FHIT: variants seen among roughly 807,000 people sequenced by gnomAD.
The protein encoded by FHIT is bis(5'-adenosyl)-triphosphatase.
FHIT carries 19 observed loss-of-function variants against 17.9 expected under a neutral mutation model. The observed-to-expected ratio is 1.06, with a 90% CI of 0.74 to 1.56. FHIT has a LOEUF of 1.56. Among genes scored for constraint, FHIT ranks in the 40% most tolerant of loss-of-function variants. The pLI is 0.00. For missense variants in FHIT, 248 were observed against 189.2 expected (o/e 1.31, Z -1.82); for synonymous variants, 81 against 69.7 (o/e 1.16, Z -0.81).
chr3:60,256,695 G>T (rs768003325), intron 5 of FHIT, among the ~76,000 whole-genome samples: 1 of 152,112 alleles, frequency 6.6e-6, no homozygotes, highest in Admixed American at 6.5e-5. Flanking sequence ...CCTTGGTTTA[G>T]TACCTTGCAT....
At chr3:60,103,147 T>G (rs1243529816) in intron 5 of FHIT, among the ~76,000 whole-genome samples, 1 of 152,208 alleles carries the variant, frequency 6.6e-6, no homozygotes, top group African/African-American at 2.4e-5. Flanking sequence ...CAGCTCTCTC[T>G]CAGTTTTACC....
chr3:60,574,328 T>C (rs1343942435), intron 4 of FHIT, among the ~76,000 whole-genome samples: 6 of 151,430 alleles, frequency 4.0e-5, no homozygotes, highest in African/African-American at 1.5e-4. Flanking sequence ...AGCTCACAAA[T>C]TGTCCCCAGC....
intron 5 of FHIT, among the ~76,000 whole-genome samples, chr3:60,444,331 A>G (rs2031160591): frequency 6.6e-6 from 1 of 152,236 alleles, no homozygotes; most frequent in South Asian, 2.1e-4. Context: ...TGACCCAGCC[A>G]TCCCATTACT....
rs1180378829 is a variant in FHIT at position 60,256,414 on chromosome 3, TTTG to T, written c.104-242265_104-242263del. On this transcript the variant is annotated intron_variant, in intron 5 of 9. Transcript: ENST00000492590. ...AATCCAGAACTGTAAGCAATAAATA[TTTG>T]TTGTTTCTAAATCACCCAGGCTAAG... Among the ~76,000 whole-genome samples, 3 of 152,322 alleles carry T rather than the reference TTTG, an allele frequency of 2.0e-5. No individual in the cohort carries two copies. In the East Asian group the frequency reaches 5.8e-4, roughly 29 times the overall value.
At chr3:60,750,766 G>A (rs531210912) in intron 4 of FHIT, among the ~76,000 whole-genome samples, 4 of 152,244 alleles carry the variant, frequency 2.6e-5, no homozygotes, top group Admixed American at 2.6e-4. Context: ...AAGTCCCCCA[G>A]CCAAACAACC....
chr3:61,126,915 T>C (rs35195170), intron 2 of FHIT, among the ~76,000 whole-genome samples: 61,181 of 151,562 alleles, frequency 0.4, 15,536 homozygotes, highest in Non-Finnish European at 0.56. Context: ...CTGAGGGAAA[T>C]GAAGGGCAGA....
chr3:60,094,698 C>T (rs556698846), intron 5 of FHIT, among the ~76,000 whole-genome samples: 22 of 152,124 alleles, frequency 1.4e-4, no homozygotes, highest in Admixed American at 7.8e-4. Context: ...TCCTAACTTG[C>T]AGGATTCATG....
At chr3:59,750,382 C>T (rs1264472574) in intron 9 of FHIT, 1 of 224,382 alleles carries the variant, frequency 4.5e-6, no homozygotes, top group Non-Finnish European at 8.9e-6. Flanking sequence ...ATTGTCACCC[C>T]ATTTAAATTT....
At chr3:59,768,179 G>A (rs915971946) in intron 8 of FHIT, among the ~76,000 whole-genome samples, 3 of 152,130 alleles carry the variant, frequency 2.0e-5, no homozygotes, top group Non-Finnish European at 2.9e-5. Flanking sequence ...AGCTTATATC[G>A]TGGGTTCTCT....
intron 5 of FHIT, among the ~76,000 whole-genome samples, chr3:60,032,307 C>T (rs1181363131): frequency 6.6e-6 from 1 of 151,864 alleles, no homozygotes; most frequent in Non-Finnish European, 1.5e-5. Context: ...AAAAAATTAG[C>T]TGGGCATAGT....
intron 5 of FHIT, among the ~76,000 whole-genome samples, chr3:60,149,072 C>A (rs1700354442): frequency 1.3e-5 from 2 of 152,196 alleles, no homozygotes; most frequent in Non-Finnish European, 2.9e-5. Flanking sequence ...CCTTTGGACA[C>A]TATAACCCTT....
intron 5 of FHIT, among the ~76,000 whole-genome samples, chr3:60,419,917 C>T (rs541323773): frequency 9.9e-5 from 15 of 152,126 alleles, no homozygotes; most frequent in African/African-American, 3.4e-4. Flanking sequence ...TTTAGAAAAA[C>T]AAAGACCAAA....
At chr3:59,981,290 GCCC>G (rs1489241652) in intron 7 of FHIT, among the ~76,000 whole-genome samples, 1 of 152,020 alleles carries the variant, frequency 6.6e-6, no homozygotes, top group Non-Finnish European at 1.5e-5. Flanking sequence ...CACTTGGAAT[GCCC>G]CTGTATGAGG....
chr3:61,043,344 AG>A (rs2033620117), intron 2 of FHIT, among the ~76,000 whole-genome samples: 1 of 151,880 alleles, frequency 6.6e-6, no homozygotes, highest in Non-Finnish European at 1.5e-5. Flanking sequence ...CCTAGCTCGG[AG>A]GGTCCCACGC....
chr3:59,925,563 C>A (rs1705619333), intron 7 of FHIT, among the ~76,000 whole-genome samples: 1 of 152,152 alleles, frequency 6.6e-6, no homozygotes, highest in Non-Finnish European at 1.5e-5. Flanking sequence ...TATCCCCTGC[C>A]TACTATTCTT....
At chr3:60,665,688 A>G (rs2040365195) in intron 4 of FHIT, among the ~76,000 whole-genome samples, 1 of 152,036 alleles carries the variant, frequency 6.6e-6, no homozygotes, top group South Asian at 2.1e-4. Context: ...AGTTTCTTGT[A>G]GGCAGCATAC....
At chr3:60,674,803 C>G (rs117659785) in intron 4 of FHIT, among the ~76,000 whole-genome samples, 2 of 152,302 alleles carry the variant, frequency 1.3e-5, no homozygotes, top group East Asian at 1.9e-4. Context: ...TGAACCCTCT[C>G]TGCTAGGCCT....
At chr3:60,263,275 G>A (rs1049981218) in intron 5 of FHIT, among the ~76,000 whole-genome samples, 1 of 151,950 alleles carries the variant, frequency 6.6e-6, no homozygotes, top group Non-Finnish European at 1.5e-5. Context: ...AACCATTTTA[G>A]AATACCACTG....
chr3:59,908,843 C>CTTTTTTTTTTTTTTTTTT (rs1264578670), intron 8 of FHIT, among the ~76,000 whole-genome samples: 1 of 150,742 alleles, frequency 6.6e-6, no homozygotes, highest in Non-Finnish European at 1.5e-5. Context: ...AAGAACATTT[C>CTTTTTTTTTTTTTTTTTT]ATTTTTTAAT....
Sources: allele counts gnomAD v4.1 joint callset (sites outside exome capture counted in the v4.1 genomes callset), GRCh38; gene constraint gnomAD v4.1.1; transcripts MANE v1.5; gene names NCBI Gene and HGNC (gene_info 2026-07-23, HGNC 2026-07-21).